Variants in ANO3 observed in about 807,000 individuals in gnomAD.
The protein encoded by ANO3 is anoctamin 3.
In ANO3, 99 loss-of-function variants were observed where a neutral mutation model predicts 144.8. The ratio of observed to expected loss-of-function variants is 0.68; its 90% CI spans 0.58 to 0.81. ANO3 has a LOEUF of 0.81. Ranked by LOEUF, ANO3 falls within the 30% of genes least tolerant of loss-of-function variation. The pLI, the probability that ANO3 is intolerant of heterozygous loss-of-function variation, is 0.00. For synonymous variants in ANO3, 414 were observed against 392.6 expected, an observed-to-expected ratio of 1.05 and a Z score of -0.64; for missense variants, 905 against 1,202.2, an observed-to-expected ratio of 0.75 and a Z score of 3.66.
intron 14 of ANO3, among the ~76,000 whole-genome samples, chr11:26,584,110 A>G (rs902868449): frequency 7.2e-5 from 11 of 151,980 alleles, no homozygotes; most frequent in Non-Finnish European, 1.5e-5. Flanking sequence ...TAAAACAGAT[A>G]AAGAAGGGGC....
intron 1 of ANO3, among the ~76,000 whole-genome samples, chr11:26,207,152 C>T (rs1174133100): frequency 1.3e-5 from 2 of 151,910 alleles, no homozygotes; most frequent in East Asian, 1.9e-4. Context: ...GCTAATAAGA[C>T]TATATTGCAT....
At chr11:26,605,517 G>C (rs529278276) in intron 17 of ANO3, among the ~76,000 whole-genome samples, 1 of 152,228 alleles carries the variant, frequency 6.6e-6, no homozygotes, top group East Asian at 1.9e-4. Context: ...GCTCCTCTTT[G>C]TACCTCTGGT....
At chr11:26,275,203 A>G (rs1260092382) in intron 1 of ANO3, among the ~76,000 whole-genome samples, 1 of 152,072 alleles carries the variant, frequency 6.6e-6, no homozygotes, top group Non-Finnish European at 1.5e-5. Flanking sequence ...ATTTGTTCTT[A>G]AGCTGACATA....
At chr11:26,433,025 A>G (rs762616667) in intron 1 of ANO3, among the ~76,000 whole-genome samples, 2 of 152,084 alleles carry the variant, frequency 1.3e-5, no homozygotes, top group South Asian at 2.1e-4. Context: ...GATTCTTTCT[A>G]TCCCTGAGCA....
chr11:26,289,349 G>A (rs1853882739), intron 1 of ANO3, among the ~76,000 whole-genome samples: 2 of 151,408 alleles, frequency 1.3e-5, no homozygotes, highest in Admixed American at 1.3e-4. Context: ...TACTCATGGT[G>A]AACTTTGGTG....
intron 14 of ANO3, chr11:26,565,757 G>A (rs754565029): frequency 6.2e-7 from 1 of 1,606,364 alleles, no homozygotes; most frequent in Non-Finnish European, 8.5e-7. Context: ...CTTCTGCAAT[G>A]TTCTGTGTTG....
chr11:26,266,848 G>A (rs898257090), intron 1 of ANO3, among the ~76,000 whole-genome samples: 1 of 151,316 alleles, frequency 6.6e-6, no homozygotes, highest in African/African-American at 2.4e-5. Context: ...TTGGGAGGCC[G>A]AGGCGGGCGG....
intron 1 of ANO3, among the ~76,000 whole-genome samples, chr11:26,258,279 T>G (rs1468930971): frequency 2.0e-5 from 3 of 152,168 alleles, no homozygotes; most frequent in African/African-American, 7.2e-5. Context: ...AAAAGACACC[T>G]CAATTAACAG....
chr11:26,409,508 G>A (rs751282269), intron 1 of ANO3, among the ~76,000 whole-genome samples: 9 of 151,762 alleles, frequency 5.9e-5, no homozygotes, highest in Non-Finnish European at 8.8e-5. Flanking sequence ...GATACCTCAC[G>A]TCTGCCTTAT....
intron 1 of ANO3, among the ~76,000 whole-genome samples, chr11:26,315,678 T>TATCC (rs1008788927): frequency 2.1e-5 from 3 of 143,500 alleles, no homozygotes; most frequent in African/African-American, 7.8e-5. Context: ...TCTATCTATC[T>TATCC]ATCTATCCAT....
chr11:26,475,964 A>T (rs547111207), intron 4 of ANO3, among the ~76,000 whole-genome samples: 1 of 152,060 alleles, frequency 6.6e-6, no homozygotes, highest in African/African-American at 2.4e-5. Flanking sequence ...AAAATAGATA[A>T]CTGGACTCCT....
intron 1 of ANO3, among the ~76,000 whole-genome samples, chr11:26,374,087 C>T (rs1267231510): frequency 6.6e-6 from 1 of 152,154 alleles, no homozygotes; most frequent in Non-Finnish European, 1.5e-5. Flanking sequence ...CTTCCAGGTT[C>T]ACAATGTCAT....
At chr11:26,639,558 A>G (rs1853078011) in intron 21 of ANO3, among the ~76,000 whole-genome samples, 1 of 152,202 alleles carries the variant, frequency 6.6e-6, no homozygotes, top group African/African-American at 2.4e-5. Flanking sequence ...TACGGATTGT[A>G]TATATAAAAA....
chr11:26,396,947 A>C (rs1238414707), intron 1 of ANO3, among the ~76,000 whole-genome samples: 2 of 149,764 alleles, frequency 1.3e-5, no homozygotes, highest in East Asian at 3.9e-4. Context: ...TATAATAATA[A>C]AAAAATGCTT....
chr11:26,642,039 A>C lies in ANO3; in HGVS notation c.2275+10A>C, dbSNP rs773455687. 9 of 1,609,058 alleles carry C rather than the reference A, an allele frequency of 5.6e-6. No individual in the cohort carries two copies. Among genetic ancestry groups the C allele is most frequent in the Non-Finnish European group, 7.6e-6 (9 of 1,178,090 alleles). ...GAGTACTTAGAAATGGGTAAGGAAA[A>C]AAAATCTGCAGGACTATTTGGCCTT... On this transcript the variant is annotated intron_variant, in intron 22 of 26. Transcript: ENST00000256737.
At chr11:26,196,028 A>C (rs1851580936) in intron 1 of ANO3, among the ~76,000 whole-genome samples, 1 of 152,118 alleles carries the variant, frequency 6.6e-6, no homozygotes, top group African/African-American at 2.4e-5. Context: ...GTGACTTCTC[A>C]ACCTCCAGAT....
intron 1 of ANO3, among the ~76,000 whole-genome samples, chr11:26,205,629 C>T (rs541099193): frequency 2.6e-5 from 4 of 152,126 alleles, no homozygotes; most frequent in African/African-American, 9.7e-5. Context: ...AAGGTTCCTC[C>T]GAAAACCTGG....
chr11:26,454,632 A>G (rs1007768059), intron 3 of ANO3, among the ~76,000 whole-genome samples: 9 of 151,418 alleles, frequency 5.9e-5, no homozygotes, highest in African/African-American at 9.7e-5. Context: ...ATTCACAGCC[A>G]AATTCTACCA....
intron 1 of ANO3, among the ~76,000 whole-genome samples, chr11:26,342,574 C>T (rs984607318): frequency 6.6e-6 from 1 of 152,170 alleles, no homozygotes; most frequent in African/African-American, 2.4e-5. Context: ...TACTTCTCAG[C>T]CTTCAGAATC....
Sources: gnomAD v4.1 joint callset for allele counts (sites outside exome capture counted in the v4.1 genomes callset) on GRCh38, gnomAD v4.1.1 for gene constraint, MANE v1.5 for transcripts, NCBI Gene and HGNC (gene_info 2026-07-23, HGNC 2026-07-21) for gene names.